Variants in FGF14 observed in about 807,000 individuals in gnomAD.
FGF14 encodes fibroblast growth factor homologous factor 4.
FGF14 carries 5 observed loss-of-function variants against 25.5 expected under a neutral mutation model. The observed-to-expected ratio is 0.20, with a 90% CI of 0.10 to 0.41. The LOEUF (loss-of-function observed/expected upper bound fraction) is 0.41, where lower values mean the gene tolerates loss of function less well. Ranked by LOEUF, FGF14 falls within the 10% of genes least tolerant of loss-of-function variation. The probability of loss-of-function intolerance (pLI) is 1.00; values close to 1 mark genes in which losing one functional copy is unlikely to be tolerated. For missense variants in FGF14, 222 were observed against 320.1 expected (o/e 0.69, Z 2.34); for synonymous variants, 138 against 118.3 (o/e 1.17, Z -1.08).
chr13:102,041,905 T>C (rs1372993249), intron 1 of FGF14, among the ~76,000 whole-genome samples: 1 of 152,156 alleles, frequency 6.6e-6, no homozygotes, highest in Non-Finnish European at 1.5e-5. Context: ...TTCCTTCACA[T>C]TTCTCCTTCA....
Position 101,721,340 on chromosome 13 carries a change from C to CAAACA in FGF14, c.*1486_*1490dup. 6.6e-6 allele frequency: 1 copy of CAAACA among 151,710 alleles called. No homozygotes were observed. The highest frequency in any genetic ancestry group is 1.9e-4 in the East Asian group (1 of 5,162). The allele number at this position is 151,710 out of a possible 1,614,324, so 9.4% of individuals were successfully genotyped here. A position where few individuals can be genotyped will look rare whatever the true frequency, so the allele number is the denominator to read the frequency against. On this transcript the variant is annotated 3_prime_UTR_variant, in exon 5 of 5. Coordinates refer to ENST00000376143, the MANE Select transcript of FGF14 (RefSeq NM_004115.4). ...TCTTGGTAGTTGTCTTCCCTAAGCT[C>CAAACA]AAACAAACAGTGTTAAACTAAAAAG...
chr13:101,994,007 T>A (rs1566545963), intron 1 of FGF14, among the ~76,000 whole-genome samples: 1 of 152,140 alleles, frequency 6.6e-6, no homozygotes, highest in Admixed American at 6.5e-5. Context: ...ATTAAGAAAT[T>A]CCTTCATTTC....
chr13:102,175,111 A>G (rs974865560), intron 1 of FGF14, among the ~76,000 whole-genome samples: 1 of 152,286 alleles, frequency 6.6e-6, no homozygotes, highest in Admixed American at 6.5e-5. Context: ...ATTCCTGTAG[A>G]ACCAAAAAAC....
At chr13:101,759,447 T>C (rs2037867865) in intron 3 of FGF14, among the ~76,000 whole-genome samples, 1 of 152,148 alleles carries the variant, frequency 6.6e-6, no homozygotes, top group Admixed American at 6.6e-5. Context: ...ATGCAGACTG[T>C]ATCTGGCTGG....
At chr13:102,385,579 T>C (rs1005898866) in intron 1 of FGF14, among the ~76,000 whole-genome samples, 25 of 152,316 alleles carry the variant, frequency 1.6e-4, no homozygotes, top group African/African-American at 6.0e-4. Context: ...TGAACTGATG[T>C]GGATATGAAA....
intron 1 of FGF14, chr13:102,373,294 A>G (rs1200448521): frequency 2.0e-5 from 3 of 152,174 alleles, no homozygotes; most frequent in Admixed American, 6.6e-5. Flanking sequence ...AATTTTCTAC[A>G]TGGTAAATTA....
At chr13:101,810,321 G>C (rs6491643) in intron 3 of FGF14, among the ~76,000 whole-genome samples, 134,071 of 152,276 alleles carry the variant, frequency 0.88, 59,300 homozygotes, top group Non-Finnish European at 0.93. Flanking sequence ...GCATAGTATT[G>C]TGTTTTATAA....
intron 1 of FGF14, among the ~76,000 whole-genome samples, chr13:102,104,922 G>C (rs997442670): frequency 1.3e-5 from 2 of 152,242 alleles, no homozygotes; most frequent in South Asian, 4.1e-4. Context: ...AGACATAGGG[G>C]TATTTAGAGA....
At chr13:102,172,242 A>T (rs2048280782) in intron 1 of FGF14, among the ~76,000 whole-genome samples, 1 of 152,142 alleles carries the variant, frequency 6.6e-6, no homozygotes, top group Non-Finnish European at 1.5e-5. Context: ...CCAGTGATTT[A>T]AAACAACTCT....
At chr13:101,846,304 C>CT (rs527567165) in intron 3 of FGF14, among the ~76,000 whole-genome samples, 14 of 151,718 alleles carry the variant, frequency 9.2e-5, no homozygotes, top group South Asian at 4.2e-4. Context: ...ATTACTCCAT[C>CT]TTTTTTTAAA....
intron 1 of FGF14, among the ~76,000 whole-genome samples, chr13:102,112,250 A>G (rs1364427108): frequency 2.6e-5 from 4 of 152,160 alleles, no homozygotes; most frequent in African/African-American, 7.2e-5. Flanking sequence ...CAGGTAGTCC[A>G]TCTCATAAGC....
Position 102,302,910 on chromosome 13 carries a change from CA to C in FGF14, c.208+98560del, listed in dbSNP as rs541436611. On this transcript the variant is annotated intron_variant, in intron 1 of 4. Transcript: ENST00000376131. ...AATAGCCAGAGTGGTCCTTATAAAA[CA>C]TAAGTCAGATCCTGCCACTCCTTCA... Among the ~76,000 whole-genome samples the C allele has an allele frequency of 1.7e-3, 263 of 152,256 alleles. 1 individual carries two copies. The highest frequency in any genetic ancestry group is 5.9e-3 in the African/African-American group (244 of 41,574).
chr13:101,941,698 C>T lies in FGF14; in HGVS notation c.209-66402G>A, dbSNP rs558172485. Reference sequence around the variant, plus strand: ...TTAAATAAATTAAATTCTTAGATTACAAAATGTGCTTCAAAGGTTTAACAA... The same window carrying T: ...TTAAATAAATTAAATTCTTAGATTATAAAATGTGCTTCAAAGGTTTAACAA... On this transcript the variant is annotated intron_variant, in intron 1 of 4. Transcript: ENST00000376131. 2.0e-5 allele frequency among the ~76,000 whole-genome samples: 3 copies of T among 152,268 alleles called. No homozygotes were observed. The South Asian group carries it at 6.2e-4, about 32-fold the overall frequency.
chr13:101,873,307 A>G (rs1413338914), intron 2 of FGF14, among the ~76,000 whole-genome samples: 1 of 152,182 alleles, frequency 6.6e-6, no homozygotes, highest in Non-Finnish European at 1.5e-5. Flanking sequence ...AAAAAATGCT[A>G]GAGAAAAAAC....
chr13:102,218,742 T>G (rs185372400), intron 1 of FGF14, among the ~76,000 whole-genome samples: 5 of 152,268 alleles, frequency 3.3e-5, no homozygotes, highest in African/African-American at 4.8e-5. Context: ...TTATCCTCAT[T>G]TTTATGCTTA....
At chr13:101,992,296 C>T (rs527375206) in intron 1 of FGF14, among the ~76,000 whole-genome samples, 1 of 152,186 alleles carries the variant, frequency 6.6e-6, no homozygotes, top group East Asian at 1.9e-4. Flanking sequence ...CCACTGACAC[C>T]ATAGCTAGAG....
At chr13:102,324,893 A>G (rs897359670) in intron 1 of FGF14, among the ~76,000 whole-genome samples, 1 of 152,182 alleles carries the variant, frequency 6.6e-6, no homozygotes, top group African/African-American at 2.4e-5. Flanking sequence ...ACTGTACCAT[A>G]TCGCCTGCTA....
chr13:102,009,814 C>T (rs1014466267), intron 1 of FGF14, among the ~76,000 whole-genome samples: 3 of 152,012 alleles, frequency 2.0e-5, no homozygotes, highest in Middle Eastern at 6.8e-3. Flanking sequence ...TTAAAAGTAC[C>T]GTCACTTCTC....
intron 1 of FGF14, among the ~76,000 whole-genome samples, chr13:102,060,862 C>T (rs2042654920): frequency 6.6e-6 from 1 of 152,144 alleles, no homozygotes; most frequent in African/African-American, 2.4e-5. Context: ...CGCTCCCATT[C>T]TGTGTCTAAA....
Sources: gnomAD v4.1 joint callset for allele counts (sites outside exome capture counted in the v4.1 genomes callset) on GRCh38, gnomAD v4.1.1 for gene constraint, MANE v1.5 for transcripts, NCBI Gene and HGNC (gene_info 2026-07-23, HGNC 2026-07-21) for gene names.